RAB37: variants seen among roughly 807,000 people sequenced by gnomAD.
RAB37 encodes RAB37, member RAS oncogene family.
Under a neutral mutation model 33.1 loss-of-function variants are expected in RAB37, and 29 were observed. That is an observed-to-expected ratio of 0.88 (90% CI 0.65 to 1.20). RAB37 has a LOEUF of 1.20. Among genes scored for constraint, RAB37 ranks in the 50% most tolerant of loss-of-function variants. The pLI, the probability that RAB37 is intolerant of heterozygous loss-of-function variation, is 0.00. For missense variants in RAB37, 299 were observed against 301.1 expected, an observed-to-expected ratio of 0.99 and a Z score of 0.05; for synonymous variants, 128 against 119.5, an observed-to-expected ratio of 1.07 and a Z score of -0.47.
intron 1 of RAB37, chr17:74,698,254 G>T: frequency 1.3e-6 from 1 of 786,908 alleles, no homozygotes; most frequent in Non-Finnish European, 2.1e-6. Flanking sequence ...GAGGGCCTTT[G>T]GGACTGTGCC....
At chr17:74,709,475 T>C (rs1027565429) in intron 1 of RAB37, among the ~76,000 whole-genome samples, 5 of 152,204 alleles carry the variant, frequency 3.3e-5, no homozygotes, top group Non-Finnish European at 7.3e-5. Flanking sequence ...TTTGTTAACA[T>C]GGATGTTGAA....
At chr17:74,743,390 T>A in intron 5 of RAB37, 50 bp downstream of exon 5, 5 of 1,593,926 alleles carry the variant, frequency 3.1e-6, no homozygotes, top group Non-Finnish European at 3.4e-6. Flanking sequence ...CAAGGCAAGG[T>A]CTATGCAGGC....
intron 1 of RAB37, among the ~76,000 whole-genome samples, chr17:74,692,580 G>A (rs1372645801): frequency 3.9e-5 from 6 of 152,102 alleles, no homozygotes; most frequent in African/African-American, 7.2e-5. Context: ...GGGATAGCTC[G>A]TCATCTCTTC....
At chr17:74,683,227 C>G (rs941894793) in intron 1 of RAB37, among the ~76,000 whole-genome samples, 1 of 152,168 alleles carries the variant, frequency 6.6e-6, no homozygotes, top group African/African-American at 2.4e-5. Context: ...AGCCAGACCT[C>G]CCTCTATGGG....
chr17:74,705,237 C>T (rs751534868), intron 1 of RAB37: 25 of 702,142 alleles, frequency 3.6e-5, no homozygotes, highest in African/African-American at 5.2e-5. Flanking sequence ...CTCATGAGGT[C>T]GAGCTGAGGC....
At chr17:74,711,291 C>T (rs574994177) in intron 1 of RAB37, among the ~76,000 whole-genome samples, 5 of 152,020 alleles carry the variant, frequency 3.3e-5, no homozygotes, top group Non-Finnish European at 5.9e-5. Context: ...GACAGAGGTC[C>T]CAAACCACTC....
intron 1 of RAB37, among the ~76,000 whole-genome samples, chr17:74,689,473 G>T (rs1169068632): frequency 2.6e-5 from 4 of 151,884 alleles, no homozygotes; most frequent in Admixed American, 6.6e-5. Context: ...AGAAAGAAAA[G>T]AAAAAATACA....
rs767531537 is a variant in RAB37 at position 74,704,596 on chromosome 17, G to A, written c.73-24660G>A. On this transcript the variant is annotated intron_variant, in intron 1 of 7. Coordinates refer to the RAB37 transcript ENST00000340415. Reference sequence around the variant, plus strand: ...CCTCCATGGTCACAGTGAACGTGCGGTTTTTCTGATTGTCCTTGATGGACA... The same window carrying A: ...CCTCCATGGTCACAGTGAACGTGCGATTTTTCTGATTGTCCTTGATGGACA... The A allele has an allele frequency of 5.6e-6, 9 of 1,614,182 alleles. No homozygotes were observed. The East Asian group carries it at 1.1e-4, about 20-fold the overall frequency.
At chr17:74,737,152 G>A (rs935265295), upstream of RAB37, 8 of 1,573,656 alleles carry the variant, frequency 5.1e-6, no homozygotes, top group Non-Finnish European at 6.0e-6. Flanking sequence ...GCGACGGGAC[G>A]GAGGGAGGAG....
rs139635715 is a variant in RAB37 at position 74,683,581 on chromosome 17, C to A, written c.72+11923C>A. Among the ~76,000 whole-genome samples the A allele has an allele frequency of 5.8e-3, 882 of 152,280 alleles. 3 individuals are homozygous for A. The highest frequency in any genetic ancestry group is 8.1e-3 in the Non-Finnish European group (551 of 68,018). Reference sequence around the variant, plus strand: ...TGCATTTGGTTTAACACTTTGCATTCGCCATCTTTAAAGTCTTAATAATGT... The same window carrying A: ...TGCATTTGGTTTAACACTTTGCATTAGCCATCTTTAAAGTCTTAATAATGT... On this transcript the variant is annotated intron_variant, in intron 1 of 7. Coordinates refer to the RAB37 transcript ENST00000340415.
chr17:74,695,163 A>G (rs555333810), intron 1 of RAB37: 1 of 1,614,008 alleles, frequency 6.2e-7, no homozygotes, highest in Admixed American at 1.7e-5. Context: ...GTGGCTACTG[A>G]GGTGGCCCAT....
chr17:74,700,701 G>A (rs559520478), intron 1 of RAB37, among the ~76,000 whole-genome samples: 14 of 152,010 alleles, frequency 9.2e-5, no homozygotes, highest in African/African-American at 2.9e-4. Flanking sequence ...GCAGTGAGCC[G>A]AGATCCTGCC....
chr17:74,712,694 G>C (rs760040880), intron 1 of RAB37: 3 of 870,142 alleles, frequency 3.4e-6, no homozygotes, highest in Non-Finnish European at 5.6e-6. Flanking sequence ...GTGAATGGTG[G>C]GTATGTGGAT....
In RAB37 at chr17:74,745,100, G is replaced by C. The variant is rs2034724075; in HGVS notation, c.566+16G>C. On this transcript the variant is annotated intron_variant, in intron 8 of 8. Coordinates refer to ENST00000392613, the MANE Select transcript of RAB37 (RefSeq NM_001006638.3). The surrounding 1 kb of genome is among the most constrained non-coding windows in gnomAD (Gnocchi z 4.5). ...CCATCGCCAAGTGAGAGCTGGGCAGGGAAGGGAAGTGTGCGGGGCAGGGCG... is the reference window on the plus strand; with the variant it reads ...CCATCGCCAAGTGAGAGCTGGGCAGCGAAGGGAAGTGTGCGGGGCAGGGCG... The C allele has an allele frequency of 6.2e-7, 1 of 1,613,820 alleles. No individual in the cohort carries two copies. The highest frequency in any genetic ancestry group is 8.5e-7 in the Non-Finnish European group (1 of 1,179,836).
intron 1 of RAB37, among the ~76,000 whole-genome samples, chr17:74,692,014 C>T (rs1198443322): frequency 6.6e-6 from 1 of 151,790 alleles, no homozygotes; most frequent in Non-Finnish European, 1.5e-5. Context: ...TACAGGCACC[C>T]GCCACCACAC....
chr17:74,673,679 A>G (rs970293228), intron 1 of RAB37, among the ~76,000 whole-genome samples: 8 of 152,056 alleles, frequency 5.3e-5, no homozygotes, highest in Non-Finnish European at 1.2e-4. Flanking sequence ...TTGATCACCA[A>G]ATTGAGAGTG....
chr17:74,717,405 C>T (rs1486266315), intron 1 of RAB37, among the ~76,000 whole-genome samples: 2 of 152,162 alleles, frequency 1.3e-5, no homozygotes, highest in Non-Finnish European at 2.9e-5. Context: ...GAATTTCATA[C>T]GTTGAAACTT....
At chr17:74,702,563 T>C (rs753599996) in intron 1 of RAB37, among the ~76,000 whole-genome samples, 13 of 152,168 alleles carry the variant, frequency 8.5e-5, no homozygotes, top group Admixed American at 3.9e-4. Flanking sequence ...AGAGGAAAAT[T>C]AAGGGAAACA....
At chr17:74,691,862 T>C (rs2032161987) in intron 1 of RAB37, among the ~76,000 whole-genome samples, 1 of 151,498 alleles carries the variant, frequency 6.6e-6, no homozygotes, top group Non-Finnish European at 1.5e-5. Flanking sequence ...CCTTATGTTA[T>C]GCCATTTTTT....
Sources: allele counts gnomAD v4.1 joint callset (sites outside exome capture counted in the v4.1 genomes callset), GRCh38; gene constraint gnomAD v4.1.1; non-coding constraint Gnocchi (gnomAD v3.1); transcripts MANE v1.5; gene names NCBI Gene and HGNC (gene_info 2026-07-23, HGNC 2026-07-21).